MGAT4A: variants seen among roughly 807,000 people sequenced by gnomAD.
MGAT4A encodes the protein alpha-1,3-mannosyl-glycoprotein 4-beta-N-acetylglucosaminyltransferase A, also known as N-acetylglucosaminyltransferase IVa.
MGAT4A carries 33 observed loss-of-function variants against 74.1 expected under a neutral mutation model. That is an observed-to-expected ratio of 0.45 (90% CI 0.34 to 0.60). The LOEUF is 0.60. MGAT4A is among the 20% of genes least tolerant of loss of function. The pLI is 0.02. For synonymous variants in MGAT4A, 198 were observed against 210.4 expected (o/e 0.94, Z 0.51); for missense variants, 479 against 628.3 (o/e 0.76, Z 2.54).
intron 5 of MGAT4A, among the ~76,000 whole-genome samples, chr2:98,661,024 AAC>A (rs1701741418): frequency 6.6e-6 from 1 of 152,242 alleles, no homozygotes; most frequent in African/African-American, 2.4e-5. Flanking sequence ...ACATCTGATA[AAC>A]AGTTAATATC....
intron 2 of MGAT4A, among the ~76,000 whole-genome samples, chr2:98,690,199 G>T (rs920030814): frequency 6.6e-6 from 1 of 152,120 alleles, no homozygotes; most frequent in South Asian, 2.1e-4. Context: ...TTGCCCAACT[G>T]TTACTAGGCC....
intron 5 of MGAT4A, among the ~76,000 whole-genome samples, chr2:98,660,003 C>A (rs1304474265): frequency 9.7e-5 from 6 of 62,172 alleles, no homozygotes. Flanking sequence ...CTGGAAATTG[C>A]AAAACCATCA....
chr2:98,621,780 C>T lies in MGAT4A; in HGVS notation c.*3786G>A. On this transcript the variant is annotated 3_prime_UTR_variant, in exon 16 of 16. Coordinates refer to ENST00000393487, the MANE Select transcript of MGAT4A (RefSeq NM_012214.3). ...GGACAGCACTGTTGGGAGACAACCT[C>T]TTTTTCATTATTATGATAGATTTTT... is the stretch of plus-strand genomic sequence containing the variant. 2 of 1,129,310 alleles carry T rather than the reference C, an allele frequency of 1.8e-6. No homozygotes were observed. The highest frequency in any genetic ancestry group is 2.2e-6 in the Non-Finnish European group (2 of 923,708). The allele number at this position is 1,129,310 out of a possible 1,614,324, so 70.0% of individuals were successfully genotyped here.
intron 4 of MGAT4A, among the ~76,000 whole-genome samples, chr2:98,671,798 CA>C (rs552925115): frequency 3.6e-4 from 54 of 151,574 alleles, no homozygotes; most frequent in African/African-American, 1.2e-3. Flanking sequence ...AATATAATCA[CA>C]AGCGTCTTTA....
At chr2:98,645,601 G>A (rs773712486) in intron 8 of MGAT4A, 59 bp from the exon 9 acceptor site, 28 of 1,194,178 alleles carry the variant, frequency 2.3e-5, no homozygotes, top group Non-Finnish European at 3.1e-5. Context: ...TTGAGAGAAG[G>A]ATATTATTAT....
chr2:98,627,606 C>G (rs980851784), intron 14 of MGAT4A, among the ~76,000 whole-genome samples: 1 of 152,182 alleles, frequency 6.6e-6, no homozygotes, highest in African/African-American at 2.4e-5. Context: ...GGACCTCTGA[C>G]CTCAAGTGAT....
At chr2:98,665,198 G>A (rs999417186) in intron 4 of MGAT4A, among the ~76,000 whole-genome samples, 12 of 151,752 alleles carry the variant, frequency 7.9e-5, no homozygotes, top group African/African-American at 2.7e-4. Context: ...GTGTGGTAGC[G>A]GGCGCCTGTA....
intron 3 of MGAT4A, among the ~76,000 whole-genome samples, chr2:98,675,990 A>AT (rs1038670090): frequency 6.6e-6 from 1 of 151,998 alleles, no homozygotes; most frequent in Non-Finnish European, 1.5e-5. Context: ...AAATAGTTTC[A>AT]TTTTTTTTCT....
At chr2:98,680,355 TTTTAA>T (rs1456480576) in intron 2 of MGAT4A, among the ~76,000 whole-genome samples, 1 of 152,184 alleles carries the variant, frequency 6.6e-6, no homozygotes, top group African/African-American at 2.4e-5. Flanking sequence ...GAAAGTCTGT[TTTTAA>T]TTTAACATTA....
At chr2:98,635,183 C>A in intron 14 of MGAT4A, 39 bp downstream of exon 14, 1 of 1,468,532 alleles carries the variant, frequency 6.8e-7, no homozygotes, top group Non-Finnish European at 9.4e-7. Flanking sequence ...AGGAGTAAGT[C>A]CAGAAAAATA....
chr2:98,718,832 T>TA (rs759674881), intron 2 of MGAT4A, among the ~76,000 whole-genome samples: 2 of 152,170 alleles, frequency 1.3e-5, no homozygotes, highest in Non-Finnish European at 2.9e-5. Context: ...CCTGGGCTTG[T>TA]AAGGCAGTGG....
Position 98,656,461 on chromosome 2 carries a change from A to G in MGAT4A, c.589T>C (p.Ser197Pro). ...GVVANLEKEFSKEISSGLVEV... is the reference protein window; with the variant it reads ...GVVANLEKEFPKEISSGLVEV... ...ACCAAGCCAGAACTGATTTCTTTAG[A>G]AAATCTATTATGAGAAAGTTAGCTG... The change falls in exon 7 of 16, where the codon TCT becomes CCT. Residue 197 changes from serine (S) to proline (P), a missense_variant. Ser to Pro is a moderately conservative substitution (Grantham distance 74, BLOSUM62 -1). Around this residue, in one of 3 missense-constraint regions of MGAT4A, gnomAD observed 205 missense variants for 232.7 expected, o/e 0.88. Transcript: ENST00000393487. The G allele has an allele frequency of 6.3e-7, 1 of 1,590,052 alleles. No individual in the cohort carries two copies.
intron 4 of MGAT4A, chr2:98,663,455 C>A: frequency 6.8e-7 from 1 of 1,465,470 alleles, no homozygotes; most frequent in Non-Finnish European, 9.0e-7. Flanking sequence ...GTATAAACAG[C>A]AAACTGTATT....
intron 7 of MGAT4A, 93 bp downstream of exon 7, chr2:98,656,259 C>G: frequency 1.1e-6 from 1 of 931,498 alleles, no homozygotes; most frequent in Non-Finnish European, 1.7e-6. Flanking sequence ...CCAAATTCAA[C>G]TCTAAAATGT....
intron 8 of MGAT4A, among the ~76,000 whole-genome samples, chr2:98,651,753 A>G (rs1212422833): frequency 6.6e-6 from 1 of 152,228 alleles, no homozygotes; most frequent in Non-Finnish European, 1.5e-5. Context: ...AAACATCCCA[A>G]TTAAAAGACA....
At chr2:98,679,039 G>A (rs981793641) in intron 2 of MGAT4A, among the ~76,000 whole-genome samples, 6 of 152,144 alleles carry the variant, frequency 3.9e-5, no homozygotes, top group East Asian at 3.9e-4. Context: ...GTGGCCAGGC[G>A]TGGTGGCTCA....
chr2:98,646,095 T>G (rs1200237984), intron 8 of MGAT4A, among the ~76,000 whole-genome samples: 1 of 152,280 alleles, frequency 6.6e-6, no homozygotes, highest in East Asian at 1.9e-4. Context: ...AGAAAATAAA[T>G]ACACGTAAAA....
intron 1 of MGAT4A, among the ~76,000 whole-genome samples, chr2:98,727,163 A>G (rs1702776853): frequency 6.6e-6 from 1 of 152,154 alleles, no homozygotes; most frequent in Admixed American, 6.5e-5. Context: ...GCTGTTTATC[A>G]CTGTCATAAA....
chr2:98,645,366 G>T, intron 9 of MGAT4A, 62 bp downstream of exon 9: 1 of 1,270,514 alleles, frequency 7.9e-7, no homozygotes, highest in South Asian at 1.5e-5. Context: ...TAGCTACTTG[G>T]TTTTAGATTC....
Sources: allele counts gnomAD v4.1 joint callset (sites outside exome capture counted in the v4.1 genomes callset), GRCh38; gene constraint gnomAD v4.1.1; regional missense constraint gnomAD v4.1.1; transcripts MANE v1.5; gene names NCBI Gene and HGNC (gene_info 2026-07-23, HGNC 2026-07-21).